Variants in DENND1A observed in about 807,000 individuals in gnomAD.
DENND1A encodes the protein DENN domain-containing protein 1A.
A neutral mutation model predicts 113.7 loss-of-function variants in DENND1A; 51 were observed. That is an observed-to-expected ratio of 0.45 (90% CI 0.36 to 0.57). The LOEUF (loss-of-function observed/expected upper bound fraction) is 0.57. Among genes scored for constraint, DENND1A ranks in the 20% least tolerant of loss-of-function variants. DENND1A has a pLI of 0.00. For missense variants in DENND1A, 1,258 were observed against 1,395.9 expected (o/e 0.90, Z 1.57); for synonymous variants, 565 against 570.8 (o/e 0.99, Z 0.14).
chr9:123,791,611 C>A (rs1263051193), intron 3 of DENND1A, among the ~76,000 whole-genome samples: 1 of 152,096 alleles, frequency 6.6e-6, no homozygotes, highest in Non-Finnish European at 1.5e-5. Context: ...GTATCAGATA[C>A]CTTGCTCTCT....
intron 12 of DENND1A, among the ~76,000 whole-genome samples, chr9:123,568,903 C>T (rs1341026200): frequency 5.3e-5 from 8 of 152,176 alleles, no homozygotes; most frequent in Non-Finnish European, 1.0e-4. Context: ...CAGTTCCAAA[C>T]ACATGATGCA....
chr9:123,457,998 C>CT, intron 13 of DENND1A, 101 bp from the exon 14 acceptor site: 1 of 804,200 alleles, frequency 1.2e-6, no homozygotes, highest in Non-Finnish European at 1.9e-6. Context: ...TATTTTTTTT[C>CT]TTTTCCTTTT....
In DENND1A at chr9:123,898,018, A is replaced by T. The variant is rs191642599; in HGVS notation, c.18-18997T>A. Among the ~76,000 whole-genome samples, 1,503 of 151,390 alleles carry T rather than the reference A, an allele frequency of 9.9e-3. 14 individuals carry two copies. Among genetic ancestry groups the T allele is most frequent in the East Asian group, 0.021 (107 of 5,162 alleles). The stretch of plus-strand genomic sequence containing the variant: ...ACATCCTAGTCAACAACTAAAAAAA[A>T]TTTTTTTTTAATTTAAAGGTAGGGT... On this transcript the variant is annotated intron_variant, in intron 1 of 23. Transcript: ENST00000394215.
chr9:123,666,951 T>C, intron 8 of DENND1A, 75 bp downstream of exon 8: 1 of 1,346,770 alleles, frequency 7.4e-7, no homozygotes, highest in African/African-American at 1.5e-5. Flanking sequence ...AATCACATCC[T>C]TTATTTATTC....
intron 1 of DENND1A, among the ~76,000 whole-genome samples, chr9:123,890,465 T>C (rs142084009): frequency 2.4e-4 from 36 of 152,344 alleles, no homozygotes; most frequent in African/African-American, 7.2e-4. Context: ...ATGTTCTTTC[T>C]TATTTAACCC....
At chr9:123,747,143 G>A (rs1391730696) in intron 5 of DENND1A, among the ~76,000 whole-genome samples, 2 of 151,844 alleles carry the variant, frequency 1.3e-5, no homozygotes, top group Non-Finnish European at 2.9e-5. Context: ...TCATCCCAAG[G>A]AGCTTAGACA....
At chr9:123,410,868 C>T (rs2044251539) in intron 20 of DENND1A, among the ~76,000 whole-genome samples, 1 of 152,160 alleles carries the variant, frequency 6.6e-6, no homozygotes, top group Non-Finnish European at 1.5e-5. Context: ...CAGCCCCCAT[C>T]GAAAGGTCCT....
intron 10 of DENND1A, among the ~76,000 whole-genome samples, chr9:123,613,203 T>A (rs1290092682): frequency 6.6e-6 from 1 of 152,218 alleles, no homozygotes; most frequent in Non-Finnish European, 1.5e-5. Flanking sequence ...CTTTCTAATG[T>A]ACCACCAATA....
intron 13 of DENND1A, among the ~76,000 whole-genome samples, chr9:123,551,843 GGGA>G (rs1334944387): frequency 2.6e-5 from 4 of 152,172 alleles, no homozygotes; most frequent in African/African-American, 9.7e-5. Context: ...AGCACAGATG[GGGA>G]GGAGAAGCCT....
In DENND1A at chr9:123,470,015, G is replaced by A. The variant is rs564907894; in HGVS notation, c.994-12118C>T. Among the ~76,000 whole-genome samples the A allele has an allele frequency of 3.3e-5, 5 of 152,320 alleles. No individual in the cohort carries two copies. The East Asian group carries it at 9.6e-4, about 29-fold the overall frequency. ...TCAATGGCCACTCAGGGCTGCCCTA[G>A]TAGCAATTCAGACAGGGATTCTAAG... is the stretch of plus-strand genomic sequence containing the variant. On this transcript the variant is annotated intron_variant, in intron 13 of 23. Coordinates refer to ENST00000394215, the MANE Select transcript of DENND1A (RefSeq NM_001352964.2).
chr9:123,854,306 G>C (rs1843814454), intron 2 of DENND1A, among the ~76,000 whole-genome samples: 1 of 152,130 alleles, frequency 6.6e-6, no homozygotes, highest in African/African-American at 2.4e-5. Flanking sequence ...CATTTGTAAA[G>C]AACGTCTACA....
chr9:123,751,761 G>C (rs556472414), intron 5 of DENND1A: 2 of 152,114 alleles, frequency 1.3e-5, no homozygotes, highest in Non-Finnish European at 2.9e-5. Flanking sequence ...TTGTGTATCA[G>C]TTCTCACTGC....
At chr9:123,763,998 G>C (rs1280769822) in intron 4 of DENND1A, among the ~76,000 whole-genome samples, 1 of 152,138 alleles carries the variant, frequency 6.6e-6, no homozygotes, top group Non-Finnish European at 1.5e-5. Flanking sequence ...TTTTTAAGCT[G>C]TTGGAAATGA....
intron 19 of DENND1A, among the ~76,000 whole-genome samples, chr9:123,414,781 G>A (rs1240125038): frequency 6.6e-6 from 1 of 152,096 alleles, no homozygotes; most frequent in Non-Finnish European, 1.5e-5. Flanking sequence ...CAGATTCAGG[G>A]CCCCGCCATC....
intron 21 of DENND1A, among the ~76,000 whole-genome samples, chr9:123,391,083 A>G (rs111935230): frequency 0.025 from 3,851 of 152,284 alleles, 163 homozygotes; most frequent in African/African-American, 0.088. Context: ...CACTGCTGTG[A>G]TGGTGGAGGG....
At chr9:123,847,250 AAC>A (rs1842750040) in intron 2 of DENND1A, among the ~76,000 whole-genome samples, 1 of 152,216 alleles carries the variant, frequency 6.6e-6, no homozygotes, top group African/African-American at 2.4e-5. Flanking sequence ...ACAGATTGAA[AAC>A]ACACAAAAAA....
chr9:123,711,865 A>C (rs2066658349), intron 5 of DENND1A, among the ~76,000 whole-genome samples: 1 of 151,800 alleles, frequency 6.6e-6, no homozygotes, highest in African/African-American at 2.4e-5. Context: ...AACCCTTATC[A>C]CTAATGGTCT....
chr9:123,694,868 T>C (rs1242328188), intron 5 of DENND1A, among the ~76,000 whole-genome samples: 2 of 152,246 alleles, frequency 1.3e-5, no homozygotes, highest in Non-Finnish European at 2.9e-5. Flanking sequence ...AATTGAAGGA[T>C]ACAAAGTATT....
chr9:123,665,490 T>C lies in DENND1A; in HGVS notation c.507+1536A>G, dbSNP rs548362319. ...CTGATCATACAGATAATATACTACA[T>C]GGATATGCTTGATAATCCCAACTTA... On this transcript the variant is annotated intron_variant, in intron 8 of 23. Transcript: ENST00000394215. Among the ~76,000 whole-genome samples the C allele has an allele frequency of 2.6e-5, 4 of 152,228 alleles. No homozygotes were observed. The South Asian group carries it at 8.3e-4, about 32-fold the overall frequency.
Sources: gnomAD v4.1 joint callset for allele counts (sites outside exome capture counted in the v4.1 genomes callset) on GRCh38, gnomAD v4.1.1 for gene constraint, MANE v1.5 for transcripts, NCBI Gene and HGNC (gene_info 2026-07-23, HGNC 2026-07-21) for gene names.